Variants in FYN observed in about 807,000 individuals in gnomAD.
The protein encoded by FYN is FYN proto-oncogene, Src family tyrosine kinase.
FYN carries 10 observed loss-of-function variants against 70.2 expected under a neutral mutation model. The ratio of observed to expected loss-of-function variants is 0.14; its 90% CI spans 0.09 to 0.24. FYN has a LOEUF of 0.24. FYN is among the 10% of genes least tolerant of loss of function. The pLI is 1.00. For synonymous variants in FYN, 236 were observed against 248.6 expected, an observed-to-expected ratio of 0.95 and a Z score of 0.48; for missense variants, 319 against 673.1, an observed-to-expected ratio of 0.47 and a Z score of 5.82.
intron 6 of FYN, among the ~76,000 whole-genome samples, chr6:111,705,382 TTC>T (rs1337802975): frequency 4.0e-5 from 6 of 148,172 alleles, no homozygotes; most frequent in African/African-American, 1.3e-4. Flanking sequence ...CATCTTCTTC[TTC>T]TTTTTTTTTT....
intron 12 of FYN, among the ~76,000 whole-genome samples, chr6:111,687,482 G>C (rs1056737339): frequency 1.3e-5 from 2 of 151,804 alleles, no homozygotes; most frequent in Non-Finnish European, 2.9e-5. Flanking sequence ...CAAAACCATA[G>C]AGCAACCCCA....
At chr6:111,709,671 A>C (rs946969693) in intron 5 of FYN, among the ~76,000 whole-genome samples, 1 of 152,226 alleles carries the variant, frequency 6.6e-6, no homozygotes, top group South Asian at 2.1e-4. Flanking sequence ...ATTTATTCAT[A>C]ATCTTAAATT....
chr6:111,820,266 C>T (rs1772616450), intron 2 of FYN, among the ~76,000 whole-genome samples: 1 of 152,084 alleles, frequency 6.6e-6, no homozygotes, highest in South Asian at 2.1e-4. Context: ...ATTTATATTC[C>T]CTTTAAAGAT....
At chr6:111,798,351 T>C (rs1050081429) in intron 2 of FYN, 1 of 152,122 alleles carries the variant, frequency 6.6e-6, no homozygotes, top group Non-Finnish European at 1.5e-5. Context: ...ATTCCTAAAC[T>C]CGCCTGCAAA....
At chr6:111,709,723 C>T (rs572366649) in intron 5 of FYN, among the ~76,000 whole-genome samples, 69 of 152,248 alleles carry the variant, frequency 4.5e-4, no homozygotes, top group African/African-American at 1.6e-3. Context: ...TTTATACATA[C>T]TGAAGAATAT....
chr6:111,863,737 C>A (rs2114526093), intron 1 of FYN, among the ~76,000 whole-genome samples: 1 of 152,276 alleles, frequency 6.6e-6, no homozygotes, highest in African/African-American at 2.4e-5. Flanking sequence ...AAAATCCCAC[C>A]AGCATATTCA....
chr6:111,829,112 G>T (rs1230445115), intron 2 of FYN, among the ~76,000 whole-genome samples: 1 of 152,172 alleles, frequency 6.6e-6, no homozygotes, highest in Non-Finnish European at 1.5e-5. Flanking sequence ...CTACTAAATG[G>T]AAAACTGTTA....
chr6:111,694,795 GGTAGTC>G lies in FYN; in HGVS notation c.1043-97_1043-92del. The G allele has an allele frequency of 1.7e-6, 2 of 1,160,522 alleles. No homozygotes were observed. The highest frequency in any genetic ancestry group is 1.5e-5 in the African/African-American group (1 of 64,862). 71.9% of individuals were successfully genotyped at this position (1,160,522 alleles called of 1,614,324 possible). On this transcript the variant is annotated intron_variant, in intron 10 of 13. Coordinates refer to ENST00000354650, the MANE Select transcript of FYN (RefSeq NM_002037.5). The surrounding 1 kb of genome is among the most constrained non-coding windows in gnomAD (Gnocchi z 5.0). Reference sequence around the variant, plus strand: ...TTGGTTTTCTTATTAAAAGTAATAAGGTAGTCAAATGGAATAATGCCATCCACATGG... The same window carrying G: ...TTGGTTTTCTTATTAAAAGTAATAAGAAATGGAATAATGCCATCCACATGG...
chr6:111,719,674 G>A (rs1800839817), intron 4 of FYN, 131 bp downstream of exon 4: 3 of 1,023,170 alleles, frequency 2.9e-6, no homozygotes, highest in Non-Finnish European at 4.3e-6. Context: ...TCATCTAGTA[G>A]AGGAGACAGA....
At chr6:111,674,471 G>T (rs200659869) in intron 13 of FYN, 28 bp downstream of exon 13, 60 of 1,594,228 alleles carry the variant, frequency 3.8e-5, no homozygotes, top group Middle Eastern at 3.3e-4. Flanking sequence ...CCAATCTCAG[G>T]CCCATGTCTG....
At chr6:111,662,420 G>A (rs1249851650) in intron 13 of FYN, among the ~76,000 whole-genome samples, 1 of 152,176 alleles carries the variant, frequency 6.6e-6, no homozygotes, top group Admixed American at 6.5e-5. Context: ...TATGATCCCT[G>A]TCTTCTTCTT....
chr6:111,707,308 T>A (rs1171437921), intron 6 of FYN, among the ~76,000 whole-genome samples: 1 of 152,216 alleles, frequency 6.6e-6, no homozygotes, highest in African/African-American at 2.4e-5. Context: ...CCCTTCAGCC[T>A]ACTGAACACC....
chr6:111,791,927 T>G (rs1279853495), intron 2 of FYN, among the ~76,000 whole-genome samples: 1 of 152,144 alleles, frequency 6.6e-6, no homozygotes, highest in Non-Finnish European at 1.5e-5. Context: ...GGCAAAATAA[T>G]AAAGCTCTTA....
chr6:111,736,519 C>G (rs1005463078), intron 3 of FYN, among the ~76,000 whole-genome samples: 4 of 152,126 alleles, frequency 2.6e-5, no homozygotes, highest in Admixed American at 2.0e-4. Context: ...TTAGAAGATT[C>G]CAGGTAATGA....
At chr6:111,750,716 C>T (rs895955819) in intron 3 of FYN, among the ~76,000 whole-genome samples, 1 of 119,300 alleles carries the variant, frequency 8.4e-6, no homozygotes, top group Admixed American at 9.6e-5. Context: ...CAATTCATGT[C>T]ATTTTTTTTT....
Position 111,678,108 on chromosome 6 carries a change from A to ATGTGTGTGTGTGTGTGTGTG in FYN, c.1274-3498_1274-3479dup, listed in dbSNP as rs57015847. Among the ~76,000 whole-genome samples the ATGTGTGTGTGTGTGTGTGTG allele has an allele frequency of 5.3e-3, 497 of 93,958 alleles. 1 individual carries two copies. Among genetic ancestry groups the ATGTGTGTGTGTGTGTGTGTG allele is most frequent in the African/African-American group, 9.6e-3 (326 of 33,858 alleles). 61.6% of individuals were successfully genotyped at this position (93,958 alleles called of 152,430 possible). A position where few individuals can be genotyped will look rare whatever the true frequency, so the allele number is the denominator to read the frequency against. ...TAAGCCAATACACGAAGGCCATAATATGTGTGTGTGTGTGTGTGTGTGTGT... is the reference window on the plus strand; with the variant it reads ...TAAGCCAATACACGAAGGCCATAATATGTGTGTGTGTGTGTGTGTGTGTGTGTGTGTGTGTGTGTGTGTGT... On this transcript the variant is annotated intron_variant, in intron 12 of 13. Transcript: ENST00000354650.
At chr6:111,714,478 TAC>T (rs1351050350) in intron 4 of FYN, 35 bp from the exon 5 acceptor site, 1 of 1,394,620 alleles carries the variant, frequency 7.2e-7, no homozygotes, top group African/African-American at 1.4e-5. Context: ...GGGAGATTAT[TAC>T]ACAAGGGGAA....
chr6:111,789,727 T>A (rs1257258127), intron 2 of FYN, among the ~76,000 whole-genome samples: 2 of 152,248 alleles, frequency 1.3e-5, no homozygotes. Context: ...TGTTCTGTAG[T>A]GTACTTGAAT....
At chr6:111,782,351 G>A (rs1401014608) in intron 2 of FYN, among the ~76,000 whole-genome samples, 3 of 152,126 alleles carry the variant, frequency 2.0e-5, no homozygotes, top group African/African-American at 7.2e-5. Context: ...GGACTGCTGA[G>A]TCCATCCACG....
Sources: allele counts gnomAD v4.1 joint callset (sites outside exome capture counted in the v4.1 genomes callset), GRCh38; gene constraint gnomAD v4.1.1; non-coding constraint Gnocchi (gnomAD v3.1); transcripts MANE v1.5; gene names NCBI Gene and HGNC (gene_info 2026-07-23, HGNC 2026-07-21).